The following EGFR variants were observed in gnomAD, a reference collection of about 807,000 sequenced individuals.
The protein encoded by EGFR is avian erythroblastic leukemia viral (v-erb-b) oncogene homolog.
A neutral mutation model predicts 143.0 loss-of-function variants in EGFR; 58 were observed. The ratio of observed to expected loss-of-function variants is 0.41; its 90% CI spans 0.33 to 0.50. The LOEUF (loss-of-function observed/expected upper bound fraction) is 0.50, where lower values mean the gene tolerates loss of function less well. Ranked by LOEUF, EGFR falls within the 20% of genes least tolerant of loss-of-function variation. The pLI is 0.39. For missense variants in EGFR, 1,307 were observed against 1,579.0 expected (o/e 0.83, Z 2.92); for synonymous variants, 613 against 594.4 (o/e 1.03, Z -0.45).
At chr7:55,132,705 G>C (rs62459768) in intron 1 of EGFR, among the ~76,000 whole-genome samples, 7,667 of 152,248 alleles carry the variant, frequency 0.05, 261 homozygotes, top group Middle Eastern at 0.17. Context: ...CCTCTACACT[G>C]CATGGCTCTG....
chr7:55,186,087 C>T (rs1385043599), intron 20 of EGFR, among the ~76,000 whole-genome samples: 2 of 152,202 alleles, frequency 1.3e-5, no homozygotes, highest in Non-Finnish European at 1.5e-5. Context: ...GGTGCCAGCA[C>T]ATTCCAGGCC....
chr7:55,073,660 T>A (rs1270040781), intron 1 of EGFR, among the ~76,000 whole-genome samples: 1 of 152,222 alleles, frequency 6.6e-6, no homozygotes, highest in African/African-American at 2.4e-5. Context: ...GTCCCATGTG[T>A]CCCATGAGGA....
At chr7:55,068,550 T>C (rs1006669742) in intron 1 of EGFR, among the ~76,000 whole-genome samples, 1 of 152,228 alleles carries the variant, frequency 6.6e-6, no homozygotes, top group African/African-American at 2.4e-5. Flanking sequence ...CAGGGCACAG[T>C]GATCCTCATC....
At chr7:55,098,842 G>A (rs1046488679) in intron 1 of EGFR, among the ~76,000 whole-genome samples, 6 of 152,146 alleles carry the variant, frequency 3.9e-5, no homozygotes, top group African/African-American at 1.4e-4. Flanking sequence ...AATAGTATGT[G>A]AACCAGTAAA....
chr7:55,175,438 T>C (rs1237419917), intron 19 of EGFR, among the ~76,000 whole-genome samples: 1 of 152,230 alleles, frequency 6.6e-6, no homozygotes, highest in African/African-American at 2.4e-5. Context: ...TGTTATCTTC[T>C]TACTACCAAT....
At chr7:55,075,519 CT>C (rs1235449291) in intron 1 of EGFR, among the ~76,000 whole-genome samples, 1 of 152,188 alleles carries the variant, frequency 6.6e-6, no homozygotes, top group Non-Finnish European at 1.5e-5. Flanking sequence ...GAATTTCCCC[CT>C]AGATTAGGTC....
chr7:55,202,457 G>A (rs1376207311), intron 26 of EGFR, 60 bp from the exon 27 acceptor site: 3 of 1,422,610 alleles, frequency 2.1e-6, no homozygotes, highest in African/African-American at 2.8e-5. Flanking sequence ...GGTGATTTTT[G>A]CAAACACTGA....
At chr7:55,068,637 C>T (rs973632328) in intron 1 of EGFR, among the ~76,000 whole-genome samples, 2 of 152,190 alleles carry the variant, frequency 1.3e-5, no homozygotes, top group African/African-American at 4.8e-5. Flanking sequence ...TTACTGAAGC[C>T]GTTACCAACT....
At chr7:55,086,333 C>T (rs1362075728) in intron 1 of EGFR, among the ~76,000 whole-genome samples, 1 of 150,706 alleles carries the variant, frequency 6.6e-6, no homozygotes, top group Non-Finnish European at 1.5e-5. Flanking sequence ...TATGGTAATG[C>T]AGAAAAGTGA....
intron 1 of EGFR, among the ~76,000 whole-genome samples, chr7:55,049,400 C>T (rs1788355743): frequency 6.6e-6 from 1 of 152,204 alleles, no homozygotes; most frequent in Non-Finnish European, 1.5e-5. Context: ...ATAGAGAACT[C>T]AGCTGCCAGT....
chr7:55,036,260 T>TTG (rs1333871168), intron 1 of EGFR, among the ~76,000 whole-genome samples: 754 of 50,206 alleles, frequency 0.015, 50 homozygotes, highest in African/African-American at 0.054. Flanking sequence ...GTGGTCAAGT[T>TTG]TGTGTGTGTG....
At chr7:55,060,399 G>C (rs192874388) in intron 1 of EGFR, among the ~76,000 whole-genome samples, 2 of 152,116 alleles carry the variant, frequency 1.3e-5, no homozygotes, top group Non-Finnish European at 1.5e-5. Context: ...CTGGATTCTT[G>C]TGGTAAATTT....
chr7:55,062,681 A>C (rs186773163), intron 1 of EGFR, among the ~76,000 whole-genome samples: 1 of 152,250 alleles, frequency 6.6e-6, no homozygotes, highest in East Asian at 1.9e-4. Flanking sequence ...TTTTATGTGA[A>C]GGTGGTCCTG....
chr7:55,052,211 C>T (rs1021143044), intron 1 of EGFR, among the ~76,000 whole-genome samples: 1 of 152,208 alleles, frequency 6.6e-6, no homozygotes, highest in Admixed American at 6.5e-5. Flanking sequence ...TTCTGGGAGA[C>T]TCATGTAAAA....
intron 1 of EGFR, among the ~76,000 whole-genome samples, chr7:55,094,394 A>AC (rs1791315897): frequency 6.6e-6 from 1 of 152,164 alleles, no homozygotes; most frequent in Non-Finnish European, 1.5e-5. Context: ...GCCTCCTGCC[A>AC]CCCACTGATC....
intron 1 of EGFR, among the ~76,000 whole-genome samples, chr7:55,022,329 C>G (rs959066218): frequency 6.6e-6 from 1 of 152,144 alleles, no homozygotes; most frequent in African/African-American, 2.4e-5. Context: ...CTTCTGGAGA[C>G]GTTCCCATTC....
chr7:55,204,549 C>T (rs1788022250), intron 27 of EGFR, among the ~76,000 whole-genome samples: 2 of 145,726 alleles, frequency 1.4e-5, no homozygotes, highest in Non-Finnish European at 1.5e-5. Context: ...TATACACACA[C>T]ACATACACAC....
intron 1 of EGFR, among the ~76,000 whole-genome samples, chr7:55,025,859 G>A (rs1786853732): frequency 2.0e-5 from 3 of 152,194 alleles, no homozygotes; most frequent in African/African-American, 7.2e-5. Flanking sequence ...GCATATAAGT[G>A]TACCAGAAGT....
chr7:55,105,487 G>T (rs375541917), intron 1 of EGFR, among the ~76,000 whole-genome samples: 3 of 152,230 alleles, frequency 2.0e-5, no homozygotes, highest in African/African-American at 7.2e-5. Context: ...AGTCTTTCAT[G>T]ATCAAAGAGA....
Sources: allele counts gnomAD v4.1 joint callset (sites outside exome capture counted in the v4.1 genomes callset), GRCh38; gene constraint gnomAD v4.1.1; transcripts MANE v1.5; gene names NCBI Gene and HGNC (gene_info 2026-07-23, HGNC 2026-07-21).